The following DCLK3 variants were observed in gnomAD, a reference collection of about 807,000 sequenced individuals.
DCLK3 encodes the protein doublecortin like kinase 3.
A neutral mutation model predicts 46.4 loss-of-function variants in DCLK3; 30 were observed. The observed-to-expected ratio is 0.65, with a 90% CI of 0.48 to 0.88. DCLK3 has a LOEUF of 0.88. Among genes scored for constraint, DCLK3 ranks in the 40% least tolerant of loss-of-function variants. DCLK3 has a pLI of 0.00. For missense variants in DCLK3, 846 were observed against 907.1 expected, an observed-to-expected ratio of 0.93 and a Z score of 0.87; for synonymous variants, 401 against 339.2, an observed-to-expected ratio of 1.18 and a Z score of -2.00.
Position 36,715,514 on chromosome 3 carries a change from T to C in DCLK3, c.2268A>G (p.Lys756=), listed in dbSNP as rs369043536. Residue 756 remains lysine, a synonymous_variant, in exon 5 of 5, where the codon AAA becomes AAG. Coordinates refer to ENST00000636136, the MANE Select transcript of DCLK3 (RefSeq NM_001394672.2). ...CCACCAGCAACCGGCTCACCAGATC[T>C]TTAGCAGCTGTTGGAATGAGAGAAG... ...PYWDNISDAA[K]DLVSRLLVVD... is the part of the protein sequence containing the mutation. 6 of 1,524,952 alleles carry C rather than the reference T, an allele frequency of 3.9e-6. No homozygotes were observed. Among genetic ancestry groups the C allele is most frequent in the Non-Finnish European group, 5.3e-6 (6 of 1,138,616 alleles). 94.5% of individuals were successfully genotyped at this position (1,524,952 alleles called of 1,614,324 possible).
chr3:36,723,495 A>G (rs535363109), intron 2 of DCLK3, among the ~76,000 whole-genome samples: 9 of 152,298 alleles, frequency 5.9e-5, no homozygotes, highest in African/African-American at 2.2e-4. Flanking sequence ...ATGGCACCCC[A>G]TCCTATCACA....
rs1329000154 is a variant in DCLK3, at chr3:36,717,000, C to T, written c.2260+1010G>A. Among the ~76,000 whole-genome samples the T allele has an allele frequency of 2.6e-5, 4 of 152,344 alleles. No individual in the cohort carries two copies. The East Asian group carries it at 7.7e-4, about 29-fold the overall frequency. The stretch of plus-strand genomic sequence containing the variant: ...GGGGAAAATGAAGATTTTCCCTTCC[C>T]TCATCCTCCAATCCCAGTGAGGAAA... On this transcript the variant is annotated intron_variant, in intron 4 of 4. Transcript: ENST00000636136.
At position 36,718,033 on chromosome 3, in the gene DCLK3, G is replaced by A; in HGVS notation, c.2237C>T (p.Pro746Leu). Residue 746 changes from proline (P) to leucine (L), a missense_variant, in exon 4 of 5, where the codon CCT becomes CTT. Coordinates refer to ENST00000636136, the MANE Select transcript of DCLK3 (RefSeq NM_001394672.2). ...IQLGHFEFLP[P>L]YWDNISDAAK... The stretch of plus-strand genomic sequence containing the variant: ...ACCATCAGAGATATTGTCCCAGTAA[G>A]GGGGGAGGAACTCAAAGTGGCCCAG... The A allele has an allele frequency of 1.2e-6, 2 of 1,614,142 alleles. No individual in the cohort carries two copies. Among genetic ancestry groups the A allele is most frequent in the Non-Finnish European group, 1.7e-6 (2 of 1,180,010 alleles).
chr3:36,723,630 C>T (rs1023834703), intron 2 of DCLK3, among the ~76,000 whole-genome samples: 14 of 152,272 alleles, frequency 9.2e-5, no homozygotes, highest in East Asian at 3.9e-4. Flanking sequence ...AAGGGGCAAA[C>T]GTAGAGCTCG....
At chr3:36,722,928 G>A (rs1384956580) in intron 2 of DCLK3, among the ~76,000 whole-genome samples, 1 of 152,184 alleles carries the variant, frequency 6.6e-6, no homozygotes, top group Admixed American at 6.5e-5. Flanking sequence ...CCAAAAATGT[G>A]GAAGTGACTT....
At chr3:36,733,890 T>C (rs1701228335) in intron 2 of DCLK3, among the ~76,000 whole-genome samples, 1 of 152,214 alleles carries the variant, frequency 6.6e-6, no homozygotes, top group African/African-American at 2.4e-5. Context: ...TAGGAGCTTT[T>C]AGCACATACA....
intron 1 of DCLK3, among the ~76,000 whole-genome samples, chr3:36,748,698 C>G (rs113333794): frequency 2.6e-5 from 4 of 152,150 alleles, no homozygotes; most frequent in African/African-American, 9.7e-5. Flanking sequence ...GGCCTCGGAC[C>G]TGCCAGCGAC....
chr3:36,745,097 T>C (rs1701381939), intron 1 of DCLK3, among the ~76,000 whole-genome samples: 1 of 152,236 alleles, frequency 6.6e-6, no homozygotes, highest in Admixed American at 6.5e-5. Flanking sequence ...GTAAGTCACA[T>C]TAACCAAGTT....
intron 1 of DCLK3, among the ~76,000 whole-genome samples, chr3:36,759,863 C>T (rs1466709450): frequency 6.6e-6 from 1 of 152,186 alleles, no homozygotes; most frequent in East Asian, 1.9e-4. Context: ...CTCTCCATTA[C>T]CCTAACGCCA....
chr3:36,721,063 C>G (rs967170146), intron 3 of DCLK3, among the ~76,000 whole-genome samples: 11 of 152,158 alleles, frequency 7.2e-5, no homozygotes, highest in Admixed American at 3.3e-4. Context: ...GCATAATATA[C>G]AAGTAGGTAA....
chr3:36,724,634 A>C (rs1390022900), intron 2 of DCLK3, among the ~76,000 whole-genome samples: 1 of 152,086 alleles, frequency 6.6e-6, no homozygotes, highest in Non-Finnish European at 1.5e-5. Flanking sequence ...TTGCCTGCAC[A>C]AGCTCTCTAT....
intron 2 of DCLK3, among the ~76,000 whole-genome samples, chr3:36,723,325 G>A (rs909796042): frequency 6.6e-6 from 1 of 152,164 alleles, no homozygotes; most frequent in Admixed American, 6.5e-5. Flanking sequence ...GAGCACAAAA[G>A]TTTGGAAAAT....
Position 36,726,515 on chromosome 3 carries a change from G to A in DCLK3, c.1960-4856C>T, listed in dbSNP as rs752417435. Among the ~76,000 whole-genome samples the A allele has an allele frequency of 7.9e-5, 12 of 152,286 alleles. No homozygotes were observed. The Middle Eastern group carries it at 0.017, about 216-fold the overall frequency. On this transcript the variant is annotated intron_variant, in intron 2 of 4. Coordinates refer to ENST00000636136, the MANE Select transcript of DCLK3 (RefSeq NM_001394672.2). ...CTACCAGTGCCTGGACAGGTGGGCA[G>A]TAGAGGAACTCTGCCTCTCCCTGGG... is the stretch of plus-strand genomic sequence containing the variant.
intron 1 of DCLK3, 39 bp from the exon 2 acceptor site, chr3:36,739,123 G>A (rs1210516303): frequency 2.5e-6 from 1 of 398,110 alleles, no homozygotes; most frequent in Non-Finnish European, 4.4e-6. Context: ...TAGTTAAGAT[G>A]GGTTCAGAGA....
At chr3:36,716,311 A>C (rs762942543) in intron 4 of DCLK3, among the ~76,000 whole-genome samples, 1 of 152,126 alleles carries the variant, frequency 6.6e-6, no homozygotes, top group Admixed American at 6.5e-5. Context: ...GCCTTTATTG[A>C]AGGCTGTCTC....
At position 36,738,807 on chromosome 3, in the gene DCLK3, C is replaced by T; in HGVS notation, c.360G>A (p.Gln120=). ...TGTCAGCTAAGAGCTGCTCGAACGT[C>T]TGCACTGATCGCCTGTTGAGGAGCA... ...ITLLLNRRSV[Q]TFEQLLADIS... Residue 120 remains glutamine, a synonymous_variant, in exon 2 of 5, where the codon CAG becomes CAA. Coordinates refer to ENST00000636136, the MANE Select transcript of DCLK3 (RefSeq NM_001394672.2). 9.9e-7 allele frequency: 1 copy of T among 1,008,800 alleles called. No individual in the cohort carries two copies. 62.5% of individuals were successfully genotyped at this position (1,008,800 alleles called of 1,614,324 possible).
At position 36,714,224 on chromosome 3, in the gene DCLK3, C is replaced by G. The variant is rs975491196; in HGVS notation, c.*1104G>C. 2.0e-5 allele frequency: 3 copies of G among 152,180 alleles called. No homozygotes were observed. Among genetic ancestry groups the G allele is most frequent in the Non-Finnish European group, 4.4e-5 (3 of 68,052 alleles). The allele number at this position is 152,180 out of a possible 1,614,324, so 9.4% of individuals were successfully genotyped here. On this transcript the variant is annotated 3_prime_UTR_variant, in exon 5 of 5. Transcript: ENST00000636136. ...ATTCTCTAGTACTATTCCGGTTTTC[C>G]TAACTAACACACGCCTCCGCCCAGA... is the stretch of plus-strand genomic sequence containing the variant.
At chr3:36,750,943 T>A (rs1260890817) in intron 1 of DCLK3, among the ~76,000 whole-genome samples, 1 of 151,868 alleles carries the variant, frequency 6.6e-6, no homozygotes, top group East Asian at 1.9e-4. Context: ...CTCAGCTTAG[T>A]TCTGCCCTAG....
chr3:36,720,047 C>A (rs1306749050), intron 3 of DCLK3, among the ~76,000 whole-genome samples: 1 of 152,190 alleles, frequency 6.6e-6, no homozygotes, highest in Non-Finnish European at 1.5e-5. Context: ...AAATGTGATT[C>A]CCAATGTTGG....
Sources: allele counts gnomAD v4.1 joint callset (sites outside exome capture counted in the v4.1 genomes callset), GRCh38; gene constraint gnomAD v4.1.1; transcripts MANE v1.5; gene names NCBI Gene and HGNC (gene_info 2026-07-23, HGNC 2026-07-21).